The following RPS6KB1 variants were observed in gnomAD, a reference collection of about 807,000 sequenced individuals.
RPS6KB1 encodes the protein ribosomal protein S6 kinase B1, also known as ribosomal protein S6 kinase beta-1.
In RPS6KB1, 12 loss-of-function variants were observed where a neutral mutation model predicts 70.2. The ratio of observed to expected loss-of-function variants is 0.17; its 90% CI spans 0.11 to 0.28. RPS6KB1 has a LOEUF of 0.28. Among genes scored for constraint, RPS6KB1 ranks in the 10% least tolerant of loss-of-function variants. The probability of loss-of-function intolerance (pLI) is 1.00; values close to 1 mark genes in which losing one functional copy is unlikely to be tolerated. For synonymous variants in RPS6KB1, 175 were observed against 211.2 expected, an observed-to-expected ratio of 0.83 and a Z score of 1.49; for missense variants, 270 against 646.6, an observed-to-expected ratio of 0.42 and a Z score of 6.32.
chr17:59,896,132 A>G (rs2041544459), intron 1 of RPS6KB1, among the ~76,000 whole-genome samples: 1 of 152,192 alleles, frequency 6.6e-6, no homozygotes, highest in Non-Finnish European at 1.5e-5. Flanking sequence ...CTGGATAGGA[A>G]GGTGCTTTAT....
chr17:59,922,170 A>T (rs1431356991), intron 4 of RPS6KB1, among the ~76,000 whole-genome samples: 1 of 151,460 alleles, frequency 6.6e-6, no homozygotes, highest in East Asian at 1.9e-4. Context: ...CCCCACAAGT[A>T]GCTGGGATTA....
At chr17:59,922,121 A>G (rs1309097599) in intron 4 of RPS6KB1, among the ~76,000 whole-genome samples, 1 of 150,368 alleles carries the variant, frequency 6.7e-6, no homozygotes, top group Non-Finnish European at 1.5e-5. Flanking sequence ...GCTCACTGCA[A>G]CCTCCACCTC....
chr17:59,915,692 C>T (rs1475342186), intron 4 of RPS6KB1, among the ~76,000 whole-genome samples: 2 of 150,520 alleles, frequency 1.3e-5, no homozygotes, highest in African/African-American at 4.9e-5. Context: ...TCTCGAACTC[C>T]TGACCTCAGG....
chr17:59,922,077 G>C (rs1194196715), intron 4 of RPS6KB1, among the ~76,000 whole-genome samples: 1 of 136,650 alleles, frequency 7.3e-6, no homozygotes, highest in African/African-American at 2.9e-5. Flanking sequence ...GTCTCACTCT[G>C]TTGCCCAGGC....
At position 59,914,623 on chromosome 17, in the gene RPS6KB1, T is replaced by C. The variant is rs2042836024; in HGVS notation, c.313-12T>C. 1 of 1,610,174 alleles carries C rather than the reference T, an allele frequency of 6.2e-7. No homozygotes were observed. The highest frequency in any genetic ancestry group is 8.5e-7 in the Non-Finnish European group (1 of 1,177,076). The stretch of plus-strand genomic sequence containing the variant: ...TTTGCCTTTGAATAACACACACTTT[T>C]TTTTAATCCAGGTTTTTCAAGTACG... On this transcript the variant is annotated splice_polypyrimidine_tract_variant and intron_variant, in intron 3 of 14. Coordinates refer to ENST00000225577, the MANE Select transcript of RPS6KB1 (RefSeq NM_003161.4).
In RPS6KB1 at chr17:59,940,878, C is replaced by T; in HGVS notation, c.1162C>T (p.Arg388Cys). The T allele has an allele frequency of 1.3e-6, 2 of 1,595,648 alleles. No homozygotes were observed. Among genetic ancestry groups the T allele is most frequent in the Non-Finnish European group, 1.7e-6 (2 of 1,177,460 alleles). ...DVSQFDSKFT[R>C]QTPVDSPDDS... ...AAGTCAGTTTGATTCCAAGTTTACA[C>T]GTCAGACACCTGTCGACAGCCCAGA... Residue 388 changes from arginine to cysteine, a missense_variant, in exon 13 of 15, where the codon CGT becomes TGT. Arg to Cys is a radical substitution (Grantham distance 180). This residue lies in a region of RPS6KB1 where 133 missense variants were observed against 314.7 expected (regional missense o/e 0.42). Coordinates refer to ENST00000225577, the MANE Select transcript of RPS6KB1 (RefSeq NM_003161.4).
At position 59,935,289 on chromosome 17, in the gene RPS6KB1, C is replaced by G. The variant is rs1331453119; in HGVS notation, c.967C>G (p.Leu323Val). 1 of 1,595,886 alleles carries G rather than the reference C, an allele frequency of 6.3e-7. No homozygotes were observed. The highest frequency in any genetic ancestry group is 8.6e-7 in the Non-Finnish European group (1 of 1,164,074). Residue 323 changes from leucine to valine, a missense_variant, in exon 10 of 15, where the codon CTG becomes GTG. By Grantham distance (32) the Leu-to-Val change is conservative. Transcript: ENST00000225577. ...PPYLTQEARD[L>V]LKKLLKRNAA... ...CTACCTCACACAAGAAGCCAGAGAT[C>G]TGCTTAAAAAGGTAAGGTTCTTAAA...
At chr17:59,933,016 G>T (rs2044021788) in intron 7 of RPS6KB1, among the ~76,000 whole-genome samples, 1 of 152,110 alleles carries the variant, frequency 6.6e-6, no homozygotes, top group African/African-American at 2.4e-5. Flanking sequence ...GGTAGACTTG[G>T]CAATTCACTC....
At chr17:59,929,810 A>G (rs2043834713) in intron 5 of RPS6KB1, among the ~76,000 whole-genome samples, 1 of 152,186 alleles carries the variant, frequency 6.6e-6, no homozygotes, top group South Asian at 2.1e-4. Flanking sequence ...TCTTTAATCA[A>G]TATATATATT....
At position 59,947,070 on chromosome 17, in the gene RPS6KB1, C is replaced by G; in HGVS notation, c.*282C>G. 3 of 1,256,956 alleles carry G rather than the reference C, an allele frequency of 2.4e-6. No individual in the cohort carries two copies. The highest frequency in any genetic ancestry group is 3.0e-6 in the Non-Finnish European group (3 of 990,660). The allele number at this position is 1,256,956 out of a possible 1,614,324, so 77.9% of individuals were successfully genotyped here. A position where few individuals can be genotyped will look rare whatever the true frequency, so the allele number is the denominator to read the frequency against. ...ATCAAGGATTTTCATGTTGATGACT[C>G]GAAACTGACAGTATTAAGGGTAGGA... is the stretch of plus-strand genomic sequence containing the variant. On this transcript the variant is annotated 3_prime_UTR_variant, in exon 15 of 15. Transcript: ENST00000225577.
Position 59,946,305 on chromosome 17 carries a change from G to GTA in RPS6KB1, c.1341-238_1341-237dup, listed in dbSNP as rs1194339725. 4.6e-5 allele frequency among the ~76,000 whole-genome samples: 7 copies of GTA among 152,092 alleles called. No homozygotes were observed. The highest frequency in any genetic ancestry group is 7.2e-5 in the African/African-American group (3 of 41,412). ...TGATATATATAATACGCATTTAAAT[G>GTA]TATATATATCTCATTGAGGGTTTTG... is the stretch of plus-strand genomic sequence containing the variant. On this transcript the variant is annotated intron_variant, in intron 14 of 14. Transcript: ENST00000225577. This position sits in a 1 kb window ranked among gnomAD's most constrained non-coding sequence, Gnocchi z 4.2.
intron 1 of RPS6KB1, among the ~76,000 whole-genome samples, chr17:59,908,857 A>G (rs1230982940): frequency 3.6e-5 from 5 of 137,736 alleles, no homozygotes; most frequent in African/African-American, 1.4e-4. Flanking sequence ...TGACCTCGTG[A>G]TCCGCCCGCC....
Position 59,915,017 on chromosome 17 carries a change from C to T in RPS6KB1, c.381+314C>T, listed in dbSNP as rs1234961876. On this transcript the variant is annotated intron_variant, in intron 4 of 14. Transcript: ENST00000225577. Reference sequence around the variant, plus strand: ...CTTTTTTTTTTTTTTGAGACGTAGTCGCGCTCTGTCGCCCAGGCTGGAGTG... The same window carrying T: ...CTTTTTTTTTTTTTTGAGACGTAGTTGCGCTCTGTCGCCCAGGCTGGAGTG... Among the ~76,000 whole-genome samples the T allele has an allele frequency of 8.7e-5, 13 of 149,694 alleles. 1 individual carries two copies. Among genetic ancestry groups the T allele is most frequent in the Admixed American group, 6.0e-4 (9 of 14,906 alleles).
Position 59,946,399 on chromosome 17 carries a change from G to A in RPS6KB1, c.1341-152G>A, listed in dbSNP as rs915701417. On this transcript the variant is annotated intron_variant, in intron 14 of 14. Transcript: ENST00000225577. This position sits in a 1 kb window ranked among gnomAD's most constrained non-coding sequence, Gnocchi z 4.2. ...CAGTTAATCTAGGTGGGGGAGAGAT[G>A]GTTCAATTTTTGCCTTTGTGCTAAT... 4.6e-6 allele frequency: 3 copies of A among 657,338 alleles called. No homozygotes were observed. Among genetic ancestry groups the A allele is most frequent in the African/African-American group, 1.8e-5 (1 of 54,918 alleles). The allele number at this position is 657,338 out of a possible 1,614,324, so 40.7% of individuals were successfully genotyped here.
At chr17:59,944,809 T>TTTA (rs1555654914) in intron 13 of RPS6KB1, among the ~76,000 whole-genome samples, 6 of 147,226 alleles carry the variant, frequency 4.1e-5, no homozygotes, top group South Asian at 2.1e-4. Context: ...TTTTTTTTTT[T>TTTA]AATTTTTGAG....
chr17:59,913,258 A>C (rs1374602956), intron 3 of RPS6KB1, among the ~76,000 whole-genome samples: 1 of 152,210 alleles, frequency 6.6e-6, no homozygotes, highest in Non-Finnish European at 1.5e-5. Flanking sequence ...AAAACTATTT[A>C]GTTTCACAGT....
At chr17:59,920,762 G>A (rs1192533290) in intron 4 of RPS6KB1, among the ~76,000 whole-genome samples, 2 of 152,144 alleles carry the variant, frequency 1.3e-5, no homozygotes, top group African/African-American at 4.8e-5. Context: ...GCAGTGGAGC[G>A]TTCTCAGCTC....
At position 59,934,328 on chromosome 17, in the gene RPS6KB1, A is replaced by G. The variant is rs552265911; in HGVS notation, c.779+68A>G. 1.9e-5 allele frequency: 27 copies of G among 1,452,070 alleles called. No individual in the cohort carries two copies. Among genetic ancestry groups the G allele is most frequent in the Non-Finnish European group, 2.5e-5 (26 of 1,032,844 alleles). 89.9% of individuals were successfully genotyped at this position (1,452,070 alleles called of 1,614,324 possible). A position where few individuals can be genotyped will look rare whatever the true frequency, so the allele number is the denominator to read the frequency against. On this transcript the variant is annotated intron_variant, in intron 8 of 14. Transcript: ENST00000225577. This position sits in a 1 kb window ranked among gnomAD's most constrained non-coding sequence, Gnocchi z 4.8. ...AATTTTACCTGTTTTAAGGAATAGTATCTGTTTTCTGTACCCTCATTGACT... is the reference window on the plus strand; with the variant it reads ...AATTTTACCTGTTTTAAGGAATAGTGTCTGTTTTCTGTACCCTCATTGACT...
Position 59,946,670 on chromosome 17 carries a change from C to A in RPS6KB1, c.1460C>A (p.Thr487Lys), listed in dbSNP as rs2044943006. 6.2e-7 allele frequency: 1 copy of A among 1,614,130 alleles called. No individual in the cohort carries two copies. The highest frequency in any genetic ancestry group is 8.5e-7 in the Non-Finnish European group (1 of 1,180,010). The change falls in exon 15 of 15, where the codon ACA becomes AAA. Residue 487 changes from threonine to lysine, a missense_variant. Around this residue, in one of 4 missense-constraint regions of RPS6KB1, gnomAD observed 133 missense variants for 314.7 expected, o/e 0.42. Coordinates refer to ENST00000225577, the MANE Select transcript of RPS6KB1 (RefSeq NM_003161.4). The surrounding 1 kb of genome is among the most constrained non-coding windows in gnomAD (Gnocchi z 4.2). Reference protein sequence around the residue: ...ETSGIEQMDVTMSGEASAPLP... With the variant: ...ETSGIEQMDVKMSGEASAPLP... ...AGTGGCATAGAGCAGATGGATGTGA[C>A]AATGAGTGGGGAAGCATCGGCACCA...
Sources: allele counts gnomAD v4.1 joint callset (sites outside exome capture counted in the v4.1 genomes callset), GRCh38; gene constraint gnomAD v4.1.1; regional missense constraint gnomAD v4.1.1; non-coding constraint Gnocchi (gnomAD v3.1); transcripts MANE v1.5; gene names NCBI Gene and HGNC (gene_info 2026-07-23, HGNC 2026-07-21).